The following RHEX variants were observed in gnomAD, a reference collection of about 807,000 sequenced individuals.
The protein encoded by RHEX is regulator of hemoglobinization and erythroid cell expansion.
In RHEX, 18 loss-of-function variants were observed where a neutral mutation model predicts 20.1. That is an observed-to-expected ratio of 0.90 (90% confidence interval 0.62 to 1.33). The LOEUF is 1.33. Ranked by LOEUF, RHEX falls within the 40% of genes most tolerant of loss-of-function variation. RHEX has a pLI of 0.00. For synonymous variants in RHEX, 87 were observed against 77.1 expected, an observed-to-expected ratio of 1.13 and a Z score of -0.67; for missense variants, 192 against 214.3, an observed-to-expected ratio of 0.90 and a Z score of 0.65.
chr1:206,101,695 T>A, intron 5 of RHEX, 57 bp from the exon 6 acceptor site: 5 of 1,356,478 alleles, frequency 3.7e-6, no homozygotes, highest in Non-Finnish European at 5.2e-6. Context: ...CCTGGGGTCT[T>A]ATTTCCCCCA....
intron 1 of RHEX, among the ~76,000 whole-genome samples, chr1:206,089,322 T>A (rs972771289): frequency 3.9e-5 from 6 of 152,132 alleles, no homozygotes; most frequent in Non-Finnish European, 8.8e-5. Flanking sequence ...GGATTACAGG[T>A]ATGAGCCACC....
Position 206,089,297 on chromosome 1 carries a change from C to T in RHEX, c.-96-8436C>T, listed in dbSNP as rs534231624. Reference sequence around the variant, plus strand: ...GGCTCAAGCGATCCTCCCACCTTTGCCTCCCAAAGTGCTGGGATTACAGGT... The same window carrying T: ...GGCTCAAGCGATCCTCCCACCTTTGTCTCCCAAAGTGCTGGGATTACAGGT... On this transcript the variant is annotated intron_variant, in intron 1 of 5. Transcript: ENST00000331555. 3.6e-4 allele frequency among the ~76,000 whole-genome samples: 55 copies of T among 152,198 alleles called. 1 individual carries two copies. The highest frequency in any genetic ancestry group is 1.1e-3 in the African/African-American group (44 of 41,528).
intron 1 of RHEX, among the ~76,000 whole-genome samples, chr1:206,063,964 C>G (rs1450294827): frequency 6.6e-6 from 1 of 151,354 alleles, no homozygotes; most frequent in Non-Finnish European, 1.5e-5. Flanking sequence ...TCTTCCAGGC[C>G]GCCATCCCAT....
intron 1 of RHEX, among the ~76,000 whole-genome samples, chr1:206,055,394 T>G (rs1662166989): frequency 6.6e-6 from 1 of 152,272 alleles, no homozygotes; most frequent in Non-Finnish European, 1.5e-5. Context: ...TATTGGGCAC[T>G]CTGCCGAATA....
chr1:206,085,250 T>C (rs547730962), intron 1 of RHEX, among the ~76,000 whole-genome samples: 1 of 152,136 alleles, frequency 6.6e-6, no homozygotes, highest in Non-Finnish European at 1.5e-5. Flanking sequence ...TTGAAATGCT[T>C]TTTCCATCCC....
chr1:206,079,843 G>T (rs1162936047), intron 1 of RHEX, among the ~76,000 whole-genome samples: 3 of 152,168 alleles, frequency 2.0e-5, no homozygotes, highest in Non-Finnish European at 4.4e-5. Flanking sequence ...CTGAGCCACC[G>T]TGCCCCACCA....
At chr1:206,088,678 T>C (rs1662884896) in intron 1 of RHEX, among the ~76,000 whole-genome samples, 2 of 152,148 alleles carry the variant, frequency 1.3e-5, no homozygotes, top group Non-Finnish European at 2.9e-5. Flanking sequence ...CGAGACTCCG[T>C]CTCAAAAAAC....
In RHEX at chr1:206,066,532, G is replaced by C. The variant is rs566541379; in HGVS notation, c.-97+13267G>C. Among the ~76,000 whole-genome samples the C allele has an allele frequency of 4.0e-4, 61 of 152,266 alleles. No individual in the cohort carries two copies. In the South Asian group the frequency reaches 0.013, roughly 32 times the overall value. On this transcript the variant is annotated intron_variant, in intron 1 of 5. Transcript: ENST00000331555. ...CTCCGGAGGCTGAGGCAGAAGAATC[G>C]CTTGAACCTGGGACGTCAAGTTTGC...
rs1663169411 is a variant in RHEX, at chr1:206,100,724, G to A, written c.257-412G>A. Reference sequence around the variant, plus strand: ...CTGCCTAGATTTAGTGACAGCTTTGGACTAGAAGGTGTAACTTCTGAGGCC... The same window carrying A: ...CTGCCTAGATTTAGTGACAGCTTTGAACTAGAAGGTGTAACTTCTGAGGCC... On this transcript the variant is annotated intron_variant, in intron 4 of 5. Transcript: ENST00000331555. Among the ~76,000 whole-genome samples, 7 of 152,204 alleles carry A rather than the reference G, an allele frequency of 4.6e-5. No individual in the cohort carries two copies. The South Asian group carries it at 1.5e-3, about 32-fold the overall frequency.
intron 1 of RHEX, among the ~76,000 whole-genome samples, chr1:206,073,628 C>T (rs1280811439): frequency 6.6e-6 from 1 of 152,100 alleles, no homozygotes; most frequent in African/African-American, 2.4e-5. Flanking sequence ...AAACTCAACA[C>T]ATCTGAAACG....
chr1:206,083,693 G>A, intron 1 of RHEX: 1 of 947,740 alleles, frequency 1.1e-6, no homozygotes, highest in Non-Finnish European at 1.3e-6. Flanking sequence ...TTAGTTTGAA[G>A]TGTGCATTTG....
intron 1 of RHEX, among the ~76,000 whole-genome samples, chr1:206,075,074 G>A (rs916243732): frequency 6.6e-6 from 1 of 152,206 alleles, no homozygotes; most frequent in Admixed American, 6.5e-5. Flanking sequence ...CAGAAGGCCT[G>A]CCAAATATCT....
intron 1 of RHEX, among the ~76,000 whole-genome samples, chr1:206,064,175 G>T (rs1662366509): frequency 1.3e-5 from 2 of 148,220 alleles, no homozygotes; most frequent in Non-Finnish European, 3.0e-5. Context: ...CGTCTGAGAA[G>T]TTAGGAGCCT....
At chr1:206,063,590 C>T (rs879993444) in intron 1 of RHEX, among the ~76,000 whole-genome samples, 6 of 152,314 alleles carry the variant, frequency 3.9e-5, no homozygotes, top group Admixed American at 2.6e-4. Context: ...GACGGGGTTT[C>T]GCTGTGTTGG....
At chr1:206,056,362 G>A (rs914332357) in intron 1 of RHEX, 2 of 152,400 alleles carry the variant, frequency 1.3e-5, no homozygotes, top group Non-Finnish European at 2.9e-5. Flanking sequence ...GAAACTCATC[G>A]CGGGACTAAT....
chr1:206,083,991 TA>T (rs1662787833), intron 1 of RHEX, among the ~76,000 whole-genome samples: 1 of 152,214 alleles, frequency 6.6e-6, no homozygotes, highest in Admixed American at 6.5e-5. Flanking sequence ...AAAATGGGCA[TA>T]AAACACCCAC....
intron 1 of RHEX, among the ~76,000 whole-genome samples, chr1:206,064,260 T>G (rs1162729180): frequency 3.6e-5 from 4 of 109,734 alleles, no homozygotes; most frequent in African/African-American, 7.3e-5. Flanking sequence ...GGGAGGGAGG[T>G]GGGGGGGGTC....
chr1:206,099,769 A>G lies in RHEX; in HGVS notation c.227A>G (p.Asp76Gly), dbSNP rs782159528. 3 of 1,614,082 alleles carry G rather than the reference A, an allele frequency of 1.9e-6. No individual in the cohort carries two copies. The highest frequency in any genetic ancestry group is 2.5e-6 in the Non-Finnish European group (3 of 1,179,952). ...KEMKETQTER[D>G]IPMSDSLYRH... ...ATGAAGGAGACTCAGACAGAGAGAG[A>G]CATCCCAATGTCTGATTCCCTTTAC... The change falls in exon 4 of 6, where the codon GAC (aspartate) becomes GGC (glycine). Residue 76 changes from aspartate (D) to glycine (G), a missense_variant. Transcript: ENST00000331555.
chr1:206,083,924 A>G (rs1231538571), intron 1 of RHEX, among the ~76,000 whole-genome samples: 1 of 152,182 alleles, frequency 6.6e-6, no homozygotes, highest in Non-Finnish European at 1.5e-5. Context: ...TCCAGCAAAA[A>G]CTGGTTCCAA....
Sources: gnomAD v4.1 joint callset for allele counts (sites outside exome capture counted in the v4.1 genomes callset) on GRCh38, gnomAD v4.1.1 for gene constraint, MANE v1.5 for transcripts, NCBI Gene and HGNC (gene_info 2026-07-23, HGNC 2026-07-21) for gene names.